The following ASCC3 variants were observed in gnomAD, a reference collection of about 807,000 sequenced individuals.
ASCC3 encodes the protein activating signal cointegrator 1 complex subunit 3.
In ASCC3, 158 loss-of-function variants were observed where a neutral mutation model predicts 256.3. That is an observed-to-expected ratio of 0.62 (90% CI 0.54 to 0.70). The LOEUF (loss-of-function observed/expected upper bound fraction) is 0.70. ASCC3 is among the 30% of genes least tolerant of loss of function. ASCC3 has a pLI of 0.00. For missense variants in ASCC3, 2,259 were observed against 2,626.0 expected (o/e 0.86, Z 3.05); for synonymous variants, 948 against 883.4 (o/e 1.07, Z -1.30).
At position 100,805,871 on chromosome 6, in the gene ASCC3, G is replaced by C; in HGVS notation, c.811C>G (p.Leu271Val). The change falls in exon 5 of 42, where the codon CTG becomes GTG. Residue 271 changes from leucine to valine, a missense_variant. This residue lies in a region of ASCC3 where 420 missense variants were observed against 419.3 expected (regional missense o/e 1.00). Coordinates refer to ENST00000369162, the MANE Select transcript of ASCC3 (RefSeq NM_006828.4). ...GDELQDELFE[L>V]LGPEGLELIE... ...AGTTCAAGTCCTTCAGGTCCCAGCA[G>C]TTCAAATAGCTTATAAAAAGAGAAA... 6.2e-7 allele frequency: 1 copy of C among 1,610,806 alleles called. No individual in the cohort carries two copies. The highest frequency in any genetic ancestry group is 8.5e-7 in the Non-Finnish European group (1 of 1,178,432).
At chr6:100,690,642 T>A (rs1429151410) in intron 13 of ASCC3, among the ~76,000 whole-genome samples, 1 of 152,106 alleles carries the variant, frequency 6.6e-6, no homozygotes, top group Admixed American at 6.6e-5. Flanking sequence ...AGATATGCCA[T>A]GAAAATATAA....
At chr6:100,737,069 C>T (rs1780206477) in intron 10 of ASCC3, among the ~76,000 whole-genome samples, 1 of 151,584 alleles carries the variant, frequency 6.6e-6, no homozygotes, top group South Asian at 2.1e-4. Flanking sequence ...ATTGCTTGAA[C>T]CCGAGAGGTG....
chr6:100,670,041 T>C (rs571051010), intron 14 of ASCC3, among the ~76,000 whole-genome samples: 8 of 151,906 alleles, frequency 5.3e-5, no homozygotes, highest in Non-Finnish European at 1.0e-4. Flanking sequence ...ACATCAAGGA[T>C]TAAACAGAAA....
chr6:100,678,455 G>C (rs1034572396), intron 14 of ASCC3, among the ~76,000 whole-genome samples: 3 of 152,018 alleles, frequency 2.0e-5, no homozygotes, highest in African/African-American at 7.2e-5. Flanking sequence ...TTTCTAAATT[G>C]AAAGAGACTC....
rs535402918 is a variant in ASCC3 at position 100,788,820 on chromosome 6, G to A, written c.1395+9893C>T. ...ATTTTGGAAAAGTCAAAACCATAGG[G>A]AAAATAAACAGACCAGTGGTCTGCA... On this transcript the variant is annotated intron_variant, in intron 8 of 41. Transcript: ENST00000369162. Among the ~76,000 whole-genome samples, 11 of 152,084 alleles carry A rather than the reference G, an allele frequency of 7.2e-5. No homozygotes were observed. The South Asian group carries it at 2.1e-3, about 29-fold the overall frequency.
At chr6:100,627,770 T>C in intron 28 of ASCC3, 60 bp from the exon 29 acceptor site, 2 of 1,607,990 alleles carry the variant, frequency 1.2e-6, no homozygotes, top group Non-Finnish European at 1.7e-6. Context: ...TATAAGGTTA[T>C]AATATCTCTT....
chr6:100,861,776 C>T (rs186718781), intron 3 of ASCC3, among the ~76,000 whole-genome samples: 1 of 152,204 alleles, frequency 6.6e-6, no homozygotes, highest in African/African-American at 2.4e-5. Context: ...AAGTATGAAT[C>T]AGATATTTAC....
At position 100,646,595 on chromosome 6, in the gene ASCC3, T is replaced by G; in HGVS notation, c.3633+20A>C. 2 of 1,613,882 alleles carry G rather than the reference T, an allele frequency of 1.2e-6. No individual in the cohort carries two copies. Among genetic ancestry groups the G allele is most frequent in the Non-Finnish European group, 1.7e-6 (2 of 1,179,810 alleles). On this transcript the variant is annotated intron_variant, in intron 22 of 41. Coordinates refer to ENST00000369162, the MANE Select transcript of ASCC3 (RefSeq NM_006828.4). The stretch of plus-strand genomic sequence containing the variant: ...CAGATATTTTTGTTTAACACAGATA[T>G]AGCCGTTTTCCACTTCTACCTGATC...
intron 10 of ASCC3, among the ~76,000 whole-genome samples, chr6:100,731,056 T>G (rs1057465204): frequency 6.6e-6 from 1 of 152,106 alleles, no homozygotes; most frequent in African/African-American, 2.4e-5. Context: ...TATCTCGGTA[T>G]TTTCATATTA....
chr6:100,627,774 A>G (rs774300616), intron 28 of ASCC3, 64 bp from the exon 29 acceptor site: 1 of 1,608,506 alleles, frequency 6.2e-7, no homozygotes, highest in African/African-American at 1.3e-5. Flanking sequence ...AGGTTATAAT[A>G]TCTCTTAAAA....
chr6:100,600,567 G>A (rs1288059477), intron 34 of ASCC3, among the ~76,000 whole-genome samples: 1 of 152,110 alleles, frequency 6.6e-6, no homozygotes, highest in African/African-American at 2.4e-5. Context: ...TCCTATCTAA[G>A]TAAGTGAAAA....
intron 4 of ASCC3, among the ~76,000 whole-genome samples, chr6:100,825,000 C>T (rs114458903): frequency 0.016 from 2,482 of 152,030 alleles, 75 homozygotes; most frequent in African/African-American, 0.057. Flanking sequence ...GTTAAACACC[C>T]CATGTACCAT....
At chr6:100,787,564 C>G (rs951791295) in intron 8 of ASCC3, among the ~76,000 whole-genome samples, 1 of 151,942 alleles carries the variant, frequency 6.6e-6, no homozygotes, top group Non-Finnish European at 1.5e-5. Context: ...ATAGAATAAC[C>G]AAATACTAAC....
chr6:100,800,372 T>C lies in ASCC3; in HGVS notation c.1055A>G (p.Lys352Arg). The C allele has an allele frequency of 6.2e-7, 1 of 1,613,084 alleles. No individual in the cohort carries two copies. Among genetic ancestry groups the C allele is most frequent in the Middle Eastern group, 1.7e-4 (1 of 6,054 alleles). The change falls in exon 6 of 42, where the codon AAA (lysine) becomes AGA (arginine). Residue 352 changes from lysine to arginine, a missense_variant. Physicochemically the swap from Lys to Arg is conservative, Grantham distance 26. Coordinates refer to ENST00000369162, the MANE Select transcript of ASCC3 (RefSeq NM_006828.4). Reference sequence around the variant, plus strand: ...AACTTCTAAATCTTCTCCAGCCTTTTTTTCTCGTCTGGCAATTCTTTTTTC... The same window carrying C: ...AACTTCTAAATCTTCTCCAGCCTTTCTTTCTCGTCTGGCAATTCTTTTTTC... ...REEKRIARRE[K>R]KAGEDLEVSE...
rs528896475 is a variant in ASCC3 at position 100,606,917 on chromosome 6, T to A, written c.4923+34A>T. 1.4e-4 allele frequency: 220 copies of A among 1,611,120 alleles called. 3 individuals are homozygous for A. The South Asian group carries it at 1.9e-3, about 14-fold the overall frequency. Reference sequence around the variant, plus strand: ...AGTAAAATATAACTTTTAAGTTACATTTAAATATGTGTTCACTGGAGAAAA... The same window carrying A: ...AGTAAAATATAACTTTTAAGTTACAATTAAATATGTGTTCACTGGAGAAAA... On this transcript the variant is annotated intron_variant, in intron 31 of 41. Transcript: ENST00000369162.
chr6:100,690,712 G>A (rs1389897134), intron 13 of ASCC3, among the ~76,000 whole-genome samples: 3 of 152,072 alleles, frequency 2.0e-5, no homozygotes, highest in Non-Finnish European at 4.4e-5. Context: ...ATAATTCACT[G>A]ACTAGTCTTC....
chr6:100,625,371 C>T, intron 29 of ASCC3, 37 bp from the exon 30 acceptor site: 1 of 1,605,682 alleles, frequency 6.2e-7, no homozygotes, highest in Non-Finnish European at 8.5e-7. Flanking sequence ...TGGAAAGATA[C>T]TTAACCCCAG....
At chr6:100,829,253 C>T (rs1168838222) in intron 4 of ASCC3, among the ~76,000 whole-genome samples, 2 of 152,098 alleles carry the variant, frequency 1.3e-5, no homozygotes, top group East Asian at 1.9e-4. Context: ...CTTGGGTGGT[C>T]GATGGGACTG....
chr6:100,682,179 T>C (rs548447576), intron 13 of ASCC3, among the ~76,000 whole-genome samples: 46 of 152,202 alleles, frequency 3.0e-4, no homozygotes, highest in Admixed American at 1.0e-3. Context: ...CCAAATTAAA[T>C]TGTAAGAAAA....
Sources: gnomAD v4.1 joint callset for allele counts (sites outside exome capture counted in the v4.1 genomes callset) on GRCh38, gnomAD v4.1.1 for gene constraint, gnomAD v4.1.1 regional missense constraint, MANE v1.5 for transcripts, NCBI Gene and HGNC (gene_info 2026-07-23, HGNC 2026-07-21) for gene names.